The following EPHA5 variants were observed in gnomAD, a reference collection of about 807,000 sequenced individuals.
EPHA5 encodes EPH receptor A5, also known as ephrin type-A receptor 5.
A neutral mutation model predicts 105.0 loss-of-function variants in EPHA5; 60 were observed. That is an observed-to-expected ratio of 0.57 (90% confidence interval 0.46 to 0.71). The LOEUF (loss-of-function observed/expected upper bound fraction) is 0.71, where lower values mean the gene tolerates loss of function less well. EPHA5 is among the 30% of genes least tolerant of loss of function. EPHA5 has a pLI of 0.00. For missense variants in EPHA5, 1,218 were observed against 1,274.7 expected (o/e 0.96, Z 0.68); for synonymous variants, 513 against 449.1 (o/e 1.14, Z -1.80).
chr4:65,340,081 T>A (rs1721566201), intron 14 of EPHA5, among the ~76,000 whole-genome samples: 1 of 152,180 alleles, frequency 6.6e-6, no homozygotes, highest in South Asian at 2.1e-4. Flanking sequence ...CGTGACATGG[T>A]ATAAATACTC....
intron 3 of EPHA5, among the ~76,000 whole-genome samples, chr4:65,588,924 C>A (rs910614260): frequency 6.6e-6 from 1 of 152,036 alleles, no homozygotes; most frequent in Non-Finnish European, 1.5e-5. Flanking sequence ...AACAAAAGAC[C>A]CCAGCACTTT....
At chr4:65,503,176 A>G (rs755170566) in intron 3 of EPHA5, among the ~76,000 whole-genome samples, 4 of 151,886 alleles carry the variant, frequency 2.6e-5, no homozygotes, top group East Asian at 1.9e-4. Flanking sequence ...TACTATGTTC[A>G]CTACCTGAGT....
intron 3 of EPHA5, among the ~76,000 whole-genome samples, chr4:65,551,553 T>A (rs546547802): frequency 2.0e-5 from 3 of 152,160 alleles, no homozygotes; most frequent in Non-Finnish European, 2.9e-5. Context: ...TAGTGAATGA[T>A]CACTACTTTT....
intron 3 of EPHA5, chr4:65,573,897 C>G (rs374006898): frequency 1.9e-6 from 3 of 1,611,648 alleles, no homozygotes; most frequent in Non-Finnish European, 1.7e-6. Flanking sequence ...CAGCATTACC[C>G]CCGGGACCAT....
At position 65,321,549 on chromosome 4, in the gene EPHA5, C is replaced by T. The variant is rs999292685; in HGVS notation, c.*2565G>A. The stretch of plus-strand genomic sequence containing the variant: ...TTATTCATTCTAAAGTCATATTAAC[C>T]TTCCTTAGAAATTCTCAACCAAATT... On this transcript the variant is annotated 3_prime_UTR_variant, in exon 17 of 17. Coordinates refer to ENST00000613740, the MANE Select transcript of EPHA5 (RefSeq NM_001281766.3). The T allele has an allele frequency of 4.4e-6, 1 of 228,918 alleles. No homozygotes were observed. The highest frequency in any genetic ancestry group is 8.7e-6 in the Non-Finnish European group (1 of 115,362). The allele number at this position is 228,918 out of a possible 1,614,324, so 14.2% of individuals were successfully genotyped here. A position where few individuals can be genotyped will look rare whatever the true frequency, so the allele number is the denominator to read the frequency against.
At chr4:65,480,734 G>T (rs1294170252) in intron 5 of EPHA5, among the ~76,000 whole-genome samples, 1 of 152,094 alleles carries the variant, frequency 6.6e-6, no homozygotes, top group Non-Finnish European at 1.5e-5. Flanking sequence ...TTTGGGCATT[G>T]TTCCTCTAAA....
chr4:65,492,538 CAAAAAAA>C (rs10543479), intron 4 of EPHA5, among the ~76,000 whole-genome samples: 6 of 84,948 alleles, frequency 7.1e-5, no homozygotes, highest in Non-Finnish European at 6.8e-5. Flanking sequence ...GACATCTTTG[CAAAAAAA>C]AAAAAAAAAA....
chr4:65,648,208 A>C (rs1445641332), intron 1 of EPHA5, among the ~76,000 whole-genome samples: 1 of 152,220 alleles, frequency 6.6e-6, no homozygotes. Context: ...CTAATAATTA[A>C]AGTTTAGCTT....
chr4:65,642,122 G>T (rs1411074352), intron 2 of EPHA5, among the ~76,000 whole-genome samples: 2 of 151,732 alleles, frequency 1.3e-5, no homozygotes, highest in Non-Finnish European at 2.9e-5. Flanking sequence ...TATTTTCTCT[G>T]GATTCTAAAA....
rs115070389 is a variant in EPHA5, at chr4:65,421,407, A to G, written c.1403-842T>C. The stretch of plus-strand genomic sequence containing the variant: ...TTCACTGTAGTGTTTATTGAAAAGT[A>G]CTAACATTACTGAAATAGAAACAAC... On this transcript the variant is annotated intron_variant, in intron 5 of 16. Coordinates refer to ENST00000613740, the MANE Select transcript of EPHA5 (RefSeq NM_001281766.3). Among the ~76,000 whole-genome samples the G allele has an allele frequency of 3.9e-3, 595 of 152,270 alleles. 3 individuals carry two copies. The highest frequency in any genetic ancestry group is 0.013 in the African/African-American group (554 of 41,582).
chr4:65,523,539 G>C (rs1308553203), intron 3 of EPHA5, among the ~76,000 whole-genome samples: 1 of 151,984 alleles, frequency 6.6e-6, no homozygotes, highest in Non-Finnish European at 1.5e-5. Flanking sequence ...TTTGCCACTT[G>C]ATGAAAAACT....
intron 2 of EPHA5, among the ~76,000 whole-genome samples, chr4:65,637,421 C>A (rs1158236900): frequency 6.6e-6 from 1 of 151,380 alleles, no homozygotes; most frequent in African/African-American, 2.4e-5. Flanking sequence ...TTTTACTCAG[C>A]TTTGGACTAT....
chr4:65,398,981 C>A (rs2084680), intron 8 of EPHA5, among the ~76,000 whole-genome samples: 13,182 of 152,164 alleles, frequency 0.087, 1,009 homozygotes, highest in African/African-American at 0.2. Context: ...AGTGGAAGAG[C>A]TGTAACAAAC....
intron 3 of EPHA5, among the ~76,000 whole-genome samples, chr4:65,528,048 G>C (rs1735408300): frequency 6.6e-6 from 1 of 152,152 alleles, no homozygotes; most frequent in African/African-American, 2.4e-5. Flanking sequence ...TTATTATAGG[G>C]CTGGAATTTT....
chr4:65,394,619 G>T (rs897067098), intron 8 of EPHA5, among the ~76,000 whole-genome samples: 1 of 152,066 alleles, frequency 6.6e-6, no homozygotes, highest in African/African-American at 2.4e-5. Context: ...GAAGCTATAA[G>T]GTTCTCTGTG....
intron 3 of EPHA5, among the ~76,000 whole-genome samples, chr4:65,556,013 A>G (rs1183881473): frequency 3.3e-5 from 5 of 152,174 alleles, no homozygotes; most frequent in South Asian, 2.1e-4. Flanking sequence ...CTATTTTTAA[A>G]TGGAATTAAA....
intron 1 of EPHA5, among the ~76,000 whole-genome samples, chr4:65,646,423 T>C (rs1329285669): frequency 2.0e-5 from 3 of 152,182 alleles, no homozygotes; most frequent in African/African-American, 7.2e-5. Flanking sequence ...CATGGAGATA[T>C]AATAATGTCT....
At chr4:65,496,208 A>G (rs1294920923) in intron 3 of EPHA5, among the ~76,000 whole-genome samples, 1 of 152,022 alleles carries the variant, frequency 6.6e-6, no homozygotes, top group Admixed American at 6.6e-5. Context: ...AATTATAATG[A>G]TTTCTTAAGT....
At chr4:65,572,550 C>A (rs1222961506) in intron 3 of EPHA5, among the ~76,000 whole-genome samples, 1 of 152,088 alleles carries the variant, frequency 6.6e-6, no homozygotes, top group Non-Finnish European at 1.5e-5. Flanking sequence ...ATTTTTGTCA[C>A]CTTAAATAGC....
Sources: gnomAD v4.1 joint callset for allele counts (sites outside exome capture counted in the v4.1 genomes callset) on GRCh38, gnomAD v4.1.1 for gene constraint, MANE v1.5 for transcripts, NCBI Gene and HGNC (gene_info 2026-07-23, HGNC 2026-07-21) for gene names.